Variants in CRYBG1 observed in about 807,000 individuals in gnomAD.
CRYBG1 encodes the protein crystallin beta-gamma domain containing 1.
CRYBG1 carries 139 observed loss-of-function variants against 189.2 expected under a neutral mutation model. The ratio of observed to expected loss-of-function variants is 0.73; its 90% CI spans 0.64 to 0.85. The LOEUF is 0.85. CRYBG1 is among the 40% of genes least tolerant of loss of function. CRYBG1 has a pLI of 0.00. For missense variants in CRYBG1, 2,611 were observed against 2,675.8 expected (o/e 0.98, Z 0.53); for synonymous variants, 1,023 against 1,017.1 (o/e 1.01, Z -0.11).
rs1773584256 is a variant in CRYBG1, at chr6:106,520,790, T to G, written c.3582T>G (p.Ala1194=). 6.2e-7 allele frequency: 1 copy of G among 1,614,060 alleles called. No individual in the cohort carries two copies. The highest frequency in any genetic ancestry group is 8.5e-7 in the Non-Finnish European group (1 of 1,180,036). Residue 1194 remains alanine (A), a synonymous_variant, in exon 4 of 22, where the codon GCT becomes GCG. Transcript: ENST00000633556. ...KSKLRPKRAS[A]EQSVLFKSLH... is the part of the protein sequence containing the mutation. The stretch of plus-strand genomic sequence containing the variant: ...AACTGAGACCCAAACGTGCATCTGC[T>G]GAACAGAGCGTCCTCTTCAAGTCCC...
intron 1 of CRYBG1, among the ~76,000 whole-genome samples, chr6:106,413,738 G>A (rs1002493023): frequency 6.6e-6 from 1 of 151,680 alleles, no homozygotes; most frequent in African/African-American, 2.4e-5. Context: ...CATGAGAAGA[G>A]GGTGAATGTT....
intron 2 of CRYBG1, among the ~76,000 whole-genome samples, chr6:106,453,985 A>T (rs1194460331): frequency 6.6e-6 from 1 of 152,112 alleles, no homozygotes; most frequent in Non-Finnish European, 1.5e-5. Context: ...CCCTGTCTCT[A>T]AGTGTCACTG....
At chr6:106,509,197 T>C (rs1773193545) in intron 2 of CRYBG1, among the ~76,000 whole-genome samples, 1 of 152,136 alleles carries the variant, frequency 6.6e-6, no homozygotes, top group Non-Finnish European at 1.5e-5. Context: ...TGGTGGGACC[T>C]TGGACAAACG....
intron 2 of CRYBG1, among the ~76,000 whole-genome samples, chr6:106,498,179 A>T (rs1772898614): frequency 6.6e-6 from 1 of 152,180 alleles, no homozygotes; most frequent in Non-Finnish European, 1.5e-5. Flanking sequence ...TATAAAACAT[A>T]GTCAATGCCA....
intron 9 of CRYBG1, among the ~76,000 whole-genome samples, chr6:106,539,920 TCATG>T (rs1331846966): frequency 6.6e-6 from 1 of 152,166 alleles, no homozygotes; most frequent in Non-Finnish European, 1.5e-5. Flanking sequence ...TAGGAAAGCT[TCATG>T]CTAAATTAAA....
At chr6:106,416,999 C>CTTTTTTTTTTTT (rs71663353) in intron 1 of CRYBG1, among the ~76,000 whole-genome samples, 4 of 69,498 alleles carry the variant, frequency 5.8e-5, no homozygotes, top group Non-Finnish European at 7.4e-5. Context: ...ATGGGATTTA[C>CTTTTTTTTTTTT]TTTTTTTTTT....
chr6:106,541,501 T>C, intron 9 of CRYBG1, 85 bp from the exon 10 acceptor site: 2 of 1,275,882 alleles, frequency 1.6e-6, no homozygotes, highest in Non-Finnish European at 2.3e-6. Flanking sequence ...TGAAATTCAA[T>C]GTTTTACTGT....
chr6:106,560,603 A>G (rs998947217), intron 18 of CRYBG1, among the ~76,000 whole-genome samples, 200 bp from the exon 19 acceptor site: 6 of 152,218 alleles, frequency 3.9e-5, no homozygotes, highest in South Asian at 2.1e-4. Flanking sequence ...ACTTTTTGGC[A>G]TAAGTACTCA....
At chr6:106,539,357 AATG>A (rs776223193) in intron 8 of CRYBG1, 43 bp from the exon 9 acceptor site, 1 of 1,604,920 alleles carries the variant, frequency 6.2e-7, no homozygotes, top group Non-Finnish European at 8.5e-7. Flanking sequence ...AACTGAAACA[AATG>A]ATGAGTCGGC....
Position 106,560,889 on chromosome 6 carries a change from G to C in CRYBG1, c.5942G>C (p.Gly1981Ala). ...AEVPNWYEFS[G>A]CRQIGSLRPF... ...GTACCTAATTGGTATGAATTCAGTG[G>C]CTGTCGCCAAATAGGTTCTCTACGA... The change falls in exon 19 of 22, where the codon GGC (glycine) becomes GCC (alanine). Residue 1981 changes from glycine (G) to alanine (A), a missense_variant. Coordinates refer to ENST00000633556, the MANE Select transcript of CRYBG1 (RefSeq NM_001371242.2). The C allele has an allele frequency of 6.2e-7, 1 of 1,612,634 alleles. No individual in the cohort carries two copies. Among genetic ancestry groups the C allele is most frequent in the Non-Finnish European group, 8.5e-7 (1 of 1,179,352 alleles).
At chr6:106,384,612 G>A (rs1770350174) in intron 1 of CRYBG1, among the ~76,000 whole-genome samples, 1 of 152,010 alleles carries the variant, frequency 6.6e-6, no homozygotes, top group Non-Finnish European at 1.5e-5. Flanking sequence ...ACAAAGATAG[G>A]ATGTTGGAAA....
chr6:106,539,943 T>C (rs537271000), intron 9 of CRYBG1, among the ~76,000 whole-genome samples: 1 of 152,318 alleles, frequency 6.6e-6, no homozygotes, highest in African/African-American at 2.4e-5. Flanking sequence ...AATTCAGTCT[T>C]AAAAAATTAG....
chr6:106,411,198 A>G (rs139555594), intron 1 of CRYBG1, among the ~76,000 whole-genome samples: 1 of 152,330 alleles, frequency 6.6e-6, no homozygotes, highest in East Asian at 1.9e-4. Context: ...CATTTGAAAC[A>G]TGCTTTCTAC....
chr6:106,564,330 GC>G (rs1274288106), intron 21 of CRYBG1, among the ~76,000 whole-genome samples: 1 of 152,152 alleles, frequency 6.6e-6, no homozygotes, highest in Non-Finnish European at 1.5e-5. Flanking sequence ...AAGCTGAAAG[GC>G]CGTGATTGCA....
intron 6 of CRYBG1, 71 bp downstream of exon 6, chr6:106,525,457 T>A (rs1361546595): frequency 3.1e-5 from 36 of 1,160,420 alleles, no homozygotes; most frequent in Non-Finnish European, 3.4e-5. Context: ...TTTTTAGTCC[T>A]CACTACTAGT....
Position 106,571,862 on chromosome 6 carries a change from A to AT in CRYBG1, c.*3302dup, listed in dbSNP as rs568289246. On this transcript the variant is annotated 3_prime_UTR_variant, in exon 22 of 22. Coordinates refer to ENST00000633556, the MANE Select transcript of CRYBG1 (RefSeq NM_001371242.2). Reference sequence around the variant, plus strand: ...AATTACTGGCCAAAATGGTGTGTTTATTTTTTAAAGCTTGTATCATGGAAT... The same window carrying AT: ...AATTACTGGCCAAAATGGTGTGTTTATTTTTTTAAAGCTTGTATCATGGAAT... The AT allele has an allele frequency of 5.8e-4, 344 of 592,190 alleles. 3 individuals are homozygous for AT. In the African/African-American group the frequency reaches 5.9e-3, roughly 10 times the overall value. 36.7% of individuals were successfully genotyped at this position (592,190 alleles called of 1,614,324 possible).
intron 13 of CRYBG1, among the ~76,000 whole-genome samples, chr6:106,545,609 T>A (rs745967745): frequency 6.6e-6 from 1 of 152,248 alleles, no homozygotes; most frequent in Non-Finnish European, 1.5e-5. Context: ...CTGGGCTTTT[T>A]TCTGTGTTAA....
intron 21 of CRYBG1, among the ~76,000 whole-genome samples, chr6:106,567,271 T>C (rs575428611): frequency 5.3e-5 from 8 of 152,294 alleles, no homozygotes; most frequent in African/African-American, 1.9e-4. Context: ...TAGGGTTTGC[T>C]GGTAGTTTTT....
chr6:106,568,568 C>CAAAG lies in CRYBG1; in HGVS notation c.*5_*8dup. 2 of 1,600,664 alleles carry CAAAG rather than the reference C, an allele frequency of 1.2e-6. No individual in the cohort carries two copies. Among genetic ancestry groups the CAAAG allele is most frequent in the Non-Finnish European group, 1.7e-6 (2 of 1,168,244 alleles). ...GAAGCCATGGTCCTATATACCTGAA[C>CAAAG]AAAGAAGGAAGAAGAATCTTCTGGA... On this transcript the variant is annotated 3_prime_UTR_variant, in exon 22 of 22. Transcript: ENST00000633556.
Sources: allele counts gnomAD v4.1 joint callset (sites outside exome capture counted in the v4.1 genomes callset), GRCh38; gene constraint gnomAD v4.1.1; transcripts MANE v1.5; gene names NCBI Gene and HGNC (gene_info 2026-07-23, HGNC 2026-07-21).